Variants in EML1 observed in about 807,000 individuals in gnomAD.
EML1 encodes echinoderm microtubule-associated protein-like 1.
Under a neutral mutation model 110.4 loss-of-function variants are expected in EML1, and 27 were observed. The observed-to-expected ratio is 0.24, with a 90% CI of 0.18 to 0.34. The LOEUF is 0.34. Among genes scored for constraint, EML1 ranks in the 10% least tolerant of loss-of-function variants. EML1 has a pLI of 1.00. For missense variants in EML1, 741 were observed against 1,030.9 expected, an observed-to-expected ratio of 0.72 and a Z score of 3.85; for synonymous variants, 344 against 385.8, an observed-to-expected ratio of 0.89 and a Z score of 1.27.
intron 1 of EML1, 75 bp downstream of exon 1, chr14:99,793,618 AAGCCG>A: frequency 5.2e-6 from 5 of 965,250 alleles, no homozygotes; most frequent in Non-Finnish European, 6.1e-6. Context: ...GGCGGGGACC[AAGCCG>A]AGGGGCCGAG....
chr14:99,925,626 C>T (rs996023018), intron 17 of EML1, among the ~76,000 whole-genome samples: 2 of 152,196 alleles, frequency 1.3e-5, no homozygotes. Context: ...AGTAAGGCTC[C>T]GTCCTCTGCC....
At chr14:99,824,389 A>G (rs943450766) in intron 1 of EML1, among the ~76,000 whole-genome samples, 3 of 152,140 alleles carry the variant, frequency 2.0e-5, no homozygotes, top group Non-Finnish European at 4.4e-5. Context: ...AATCAAAATC[A>G]CAATAATACA....
chr14:99,829,892 C>T (rs2058420785), intron 1 of EML1, among the ~76,000 whole-genome samples: 1 of 152,162 alleles, frequency 6.6e-6, no homozygotes, highest in Non-Finnish European at 1.5e-5. Context: ...TCCGTTCATC[C>T]ATCCATGGAC....
intron 11 of EML1, 86 bp downstream of exon 11, chr14:99,909,565 A>G (rs942888245): frequency 4.5e-6 from 7 of 1,548,084 alleles, no homozygotes; most frequent in African/African-American, 1.4e-5. Flanking sequence ...CTGGTGATCA[A>G]CACAATCCCT....
chr14:99,876,767 C>G lies in EML1; in HGVS notation c.384-1718C>G, dbSNP rs375830455. On this transcript the variant is annotated intron_variant, in intron 3 of 21. Transcript: ENST00000262233. The stretch of plus-strand genomic sequence containing the variant: ...CTAGAACAGCCCCCTGCCTGCCCCT[C>G]CCCTCCTCCTTTTTTGCTTACAGAG... Among the ~76,000 whole-genome samples, 26 of 152,302 alleles carry G rather than the reference C, an allele frequency of 1.7e-4. No homozygotes were observed. The East Asian group carries it at 4.8e-3, about 28-fold the overall frequency.
chr14:99,879,903 T>C (rs1020769702), intron 4 of EML1, among the ~76,000 whole-genome samples: 2 of 152,224 alleles, frequency 1.3e-5, no homozygotes, highest in African/African-American at 4.8e-5. Context: ...TGGCTCCTCC[T>C]CTGCACATCT....
At chr14:99,775,766 G>A (rs1214936266) in intron 1 of EML1, among the ~76,000 whole-genome samples, 1 of 152,174 alleles carries the variant, frequency 6.6e-6, no homozygotes, top group Admixed American at 6.5e-5. Flanking sequence ...AATTTGAAAG[G>A]CGTGCCTAAG....
At chr14:99,843,454 A>G (rs1481046588) in intron 1 of EML1, among the ~76,000 whole-genome samples, 1 of 152,252 alleles carries the variant, frequency 6.6e-6, no homozygotes, top group African/African-American at 2.4e-5. Context: ...ACTTAATTAC[A>G]GCTTATATTT....
chr14:99,918,254 T>C (rs1357053891), intron 16 of EML1, among the ~76,000 whole-genome samples: 1 of 152,184 alleles, frequency 6.6e-6, no homozygotes, highest in Non-Finnish European at 1.5e-5. Flanking sequence ...TGCACTGCCA[T>C]GCTCAACTAA....
chr14:99,938,115 G>T (rs2060508794), intron 20 of EML1, among the ~76,000 whole-genome samples: 1 of 152,126 alleles, frequency 6.6e-6, no homozygotes, highest in South Asian at 2.1e-4. Context: ...GAACCAGAGA[G>T]ATGGGTTTTT....
rs146988169 is a variant in EML1, at chr14:99,918,175, C to CT, written c.1820+328dup. ...CTGAAGTGCAGTGGCACAATCACAG[C>CT]TTACTGCAGCCTCCAGGGCTTAAGT... On this transcript the variant is annotated intron_variant, in intron 16 of 21. Transcript: ENST00000262233. 2.3e-3 allele frequency among the ~76,000 whole-genome samples: 344 copies of CT among 152,306 alleles called. 8 individuals are homozygous for CT. In the East Asian group the frequency reaches 0.062, roughly 27 times the overall value.
rs1363098344 is a variant in EML1, at chr14:99,865,523, T to C, written c.260T>C (p.Leu87Pro). 1.2e-6 allele frequency: 2 copies of C among 1,614,102 alleles called. No homozygotes were observed. The highest frequency in any genetic ancestry group is 2.2e-5 in the East Asian group (1 of 44,878). ...NRKGPTKARPLMQTLPLRTTV... is the reference protein window; with the variant it reads ...NRKGPTKARPPMQTLPLRTTV... ...TCTGCTTGTCTTACAGCAAGACCAC[T>C]GATGCAGACCCTGCCTTTAAGAACC... Residue 87 changes from leucine to proline, a missense_variant, in exon 3 of 22, where the codon CTG (leucine) becomes CCG (proline). Leu to Pro is a moderately conservative substitution (Grantham distance 98). This residue lies in a region of EML1 where 226 missense variants were observed against 255.6 expected (regional missense o/e 0.88). Transcript: ENST00000262233.
At chr14:99,835,869 T>G (rs138150606) in intron 1 of EML1, among the ~76,000 whole-genome samples, 1 of 152,252 alleles carries the variant, frequency 6.6e-6, no homozygotes, top group Non-Finnish European at 1.5e-5. Context: ...GGTCTATTTC[T>G]GGACTCTCTG....
intron 1 of EML1, among the ~76,000 whole-genome samples, chr14:99,849,176 T>G (rs2058750625): frequency 6.6e-6 from 1 of 152,220 alleles, no homozygotes. Context: ...TAATTCTTTC[T>G]GGTTTTGTTA....
At chr14:99,740,116 G>C (rs926868209) in intron 1 of EML1, among the ~76,000 whole-genome samples, 1 of 152,186 alleles carries the variant, frequency 6.6e-6, no homozygotes, top group African/African-American at 2.4e-5. Flanking sequence ...GCAACCTAGA[G>C]AGGGAGATGA....
intron 1 of EML1, among the ~76,000 whole-genome samples, chr14:99,767,117 C>T (rs1050352774): frequency 2.6e-5 from 4 of 152,158 alleles, no homozygotes; most frequent in Non-Finnish European, 4.4e-5. Context: ...TCTTATTTCA[C>T]GGAAACGAGA....
chr14:99,908,190 C>T (rs2059887823), intron 10 of EML1, among the ~76,000 whole-genome samples: 1 of 152,242 alleles, frequency 6.6e-6, no homozygotes, highest in Non-Finnish European at 1.5e-5. Flanking sequence ...GTGGCACAGA[C>T]TCAGGAAAGA....
intron 4 of EML1, among the ~76,000 whole-genome samples, chr14:99,879,335 A>G (rs2059347019): frequency 6.6e-6 from 1 of 152,186 alleles, no homozygotes; most frequent in Non-Finnish European, 1.5e-5. Context: ...ATTTTTACCT[A>G]ACATTGTACT....
chr14:99,788,378 A>G (rs1209843382), intron 1 of EML1, among the ~76,000 whole-genome samples: 1 of 152,224 alleles, frequency 6.6e-6, no homozygotes, highest in Non-Finnish European at 1.5e-5. Flanking sequence ...TTTCCAGCAC[A>G]AATACTCGTT....
Sources: gnomAD v4.1 joint callset for allele counts (sites outside exome capture counted in the v4.1 genomes callset) on GRCh38, gnomAD v4.1.1 for gene constraint, gnomAD v4.1.1 regional missense constraint, MANE v1.5 for transcripts, NCBI Gene and HGNC (gene_info 2026-07-23, HGNC 2026-07-21) for gene names.